Variants in COPS4 observed in about 807,000 individuals in gnomAD.
The protein encoded by COPS4 is COP9 signalosome subunit 4.
A neutral mutation model predicts 55.1 loss-of-function variants in COPS4; 8 were observed. That is an observed-to-expected ratio of 0.15 (90% CI 0.09 to 0.26). The LOEUF is 0.26. Ranked by LOEUF, COPS4 falls within the 10% of genes least tolerant of loss-of-function variation. The pLI, the probability that COPS4 is intolerant of heterozygous loss-of-function variation, is 1.00. For missense variants in COPS4, 248 were observed against 484.0 expected, an observed-to-expected ratio of 0.51 and a Z score of 4.58; for synonymous variants, 185 against 165.7, an observed-to-expected ratio of 1.12 and a Z score of -0.90.
At chr4:83,042,960 G>T (rs1482126184) in intron 1 of COPS4, among the ~76,000 whole-genome samples, 1 of 148,712 alleles carries the variant, frequency 6.7e-6, no homozygotes, top group African/African-American at 2.5e-5. Context: ...ACATTGCCCA[G>T]GCTGGTCTTG....
chr4:83,060,390 C>A, intron 6 of COPS4, among the ~76,000 whole-genome samples: 1 of 151,570 alleles, frequency 6.6e-6, no homozygotes, highest in East Asian at 2.0e-4. Flanking sequence ...CCTCTGTCGC[C>A]CAGGCTGGAG....
At chr4:83,039,969 C>G (rs1480951965) in intron 1 of COPS4, among the ~76,000 whole-genome samples, 1 of 152,156 alleles carries the variant, frequency 6.6e-6, no homozygotes, top group Admixed American at 6.6e-5. Context: ...CTGCCCCATT[C>G]TGTTTCTCCT....
chr4:83,049,818 A>G (rs1730816460), intron 3 of COPS4, 63 bp from the exon 4 acceptor site: 3 of 941,776 alleles, frequency 3.2e-6, no homozygotes, highest in Non-Finnish European at 4.7e-6. Context: ...TAACTTTCCT[A>G]TTTATTTTAA....
chr4:83,069,428 G>A (rs536145944), intron 9 of COPS4, among the ~76,000 whole-genome samples: 73 of 152,250 alleles, frequency 4.8e-4, no homozygotes, highest in African/African-American at 1.7e-3. Context: ...CTTCCAGTTA[G>A]CATAATCTTT....
At chr4:83,062,176 A>C (rs1731176264) in intron 6 of COPS4, among the ~76,000 whole-genome samples, 1 of 152,240 alleles carries the variant, frequency 6.6e-6, no homozygotes, top group Non-Finnish European at 1.5e-5. Context: ...GAAACTGTGA[A>C]TATTAAGTCT....
At chr4:83,055,820 A>T (rs937277304) in intron 4 of COPS4, among the ~76,000 whole-genome samples, 1 of 152,150 alleles carries the variant, frequency 6.6e-6, no homozygotes, top group East Asian at 1.9e-4. Flanking sequence ...TTTTCCTAGC[A>T]TAGATATTTA....
At chr4:83,074,753 G>C (rs1731528315) in intron 9 of COPS4, among the ~76,000 whole-genome samples, 1 of 151,478 alleles carries the variant, frequency 6.6e-6, no homozygotes. Context: ...TGATCTGCCT[G>C]CCTCGGCCTC....
intron 4 of COPS4, among the ~76,000 whole-genome samples, chr4:83,056,271 A>G (rs1731010720): frequency 6.6e-6 from 1 of 152,110 alleles, no homozygotes; most frequent in African/African-American, 2.4e-5. Flanking sequence ...TAGTGGGTTA[A>G]GGGTATATGC....
intron 7 of COPS4, among the ~76,000 whole-genome samples, chr4:83,064,869 C>CTTTTTTTTTT (rs140166684): frequency 6.5e-4 from 48 of 73,630 alleles, no homozygotes; most frequent in East Asian, 3.3e-3. Context: ...TAAGCAGTCC[C>CTTTTTTTTTT]TTTTTTTTTT....
intron 9 of COPS4, among the ~76,000 whole-genome samples, chr4:83,071,186 T>C (rs942543966): frequency 2.6e-5 from 4 of 152,234 alleles, no homozygotes; most frequent in African/African-American, 9.6e-5. Flanking sequence ...GTTTCCAAGT[T>C]AAGCTTCCTG....
In COPS4 at chr4:83,057,332, C is replaced by T; in HGVS notation, c.639C>T (p.Tyr213=). ...EAAQRYNELS[Y]KTIVHESERL... is the part of the protein sequence containing the mutation. ...CACAAAGGTACAATGAGCTCTCTTA[C>T]AAGACAATAGTCCACGAAAGTGAAA... The change falls in exon 6 of 10, where the codon TAC becomes TAT. Residue 213 remains tyrosine (Y), a synonymous_variant. Transcript: ENST00000264389. The T allele has an allele frequency of 6.2e-7, 1 of 1,613,392 alleles. No individual in the cohort carries two copies. Among genetic ancestry groups the T allele is most frequent in the Middle Eastern group, 1.7e-4 (1 of 6,060 alleles).
At chr4:83,073,681 G>A (rs962109544) in intron 9 of COPS4, among the ~76,000 whole-genome samples, 6 of 152,134 alleles carry the variant, frequency 3.9e-5, no homozygotes, top group African/African-American at 7.2e-5. Flanking sequence ...GCGGCTGGGC[G>A]TAGTGGCTCA....
intron 6 of COPS4, among the ~76,000 whole-genome samples, chr4:83,058,698 T>C (rs1385415805): frequency 6.6e-6 from 1 of 152,244 alleles, no homozygotes; most frequent in African/African-American, 2.4e-5. Flanking sequence ...TGTAACTGTA[T>C]ACATCATAGT....
intron 1 of COPS4, among the ~76,000 whole-genome samples, chr4:83,037,033 C>A (rs1458854777): frequency 6.6e-6 from 1 of 152,162 alleles, no homozygotes; most frequent in East Asian, 1.9e-4. Context: ...TCTCAGGATT[C>A]TATGGGTTGA....
In COPS4 at chr4:83,075,386, C is replaced by G; in HGVS notation, c.1177C>G (p.Pro393Ala). Residue 393 changes from proline to alanine, a missense_variant, in exon 10 of 10, where the codon CCA becomes GCA. Pro to Ala is a conservative substitution (Grantham distance 27, BLOSUM62 -1). Transcript: ENST00000264389. ...TTTGGAGAAAATTAGTCAAACAGCA[C>G]CAGAATGGACAGCACAAGCCATGGA... is the stretch of plus-strand genomic sequence containing the variant. ...NLLEKISQTAPEWTAQAMEAQ... is the reference protein window; with the variant it reads ...NLLEKISQTAAEWTAQAMEAQ... The G allele has an allele frequency of 6.2e-7, 1 of 1,614,148 alleles. No homozygotes were observed. Among genetic ancestry groups the G allele is most frequent in the Middle Eastern group, 1.6e-4 (1 of 6,062 alleles).
At chr4:83,043,147 T>G (rs1730610018) in intron 1 of COPS4, among the ~76,000 whole-genome samples, 1 of 152,130 alleles carries the variant, frequency 6.6e-6, no homozygotes, top group South Asian at 2.1e-4. Flanking sequence ...TTGATCACTT[T>G]TTAGGTTGGT....
Position 83,072,075 on chromosome 4 carries a change from GTTTTCT to G in COPS4, c.1088-3205_1088-3200del, listed in dbSNP as rs370439309. On this transcript the variant is annotated intron_variant, in intron 9 of 9. Coordinates refer to ENST00000264389, the MANE Select transcript of COPS4 (RefSeq NM_016129.3). ...CAAATATTTTTTTCCATTCTGTCAG[GTTTTCT>G]TTTTCTTTTTCTTTTTGAGATGGAG... is the stretch of plus-strand genomic sequence containing the variant. Among the ~76,000 whole-genome samples the G allele has an allele frequency of 3.3e-5, 5 of 151,690 alleles. No homozygotes were observed. In the South Asian group the frequency reaches 6.3e-4, roughly 19 times the overall value.
At position 83,042,084 on chromosome 4, in the gene COPS4, C is replaced by T. The variant is rs183441665; in HGVS notation, c.75-3542C>T. 7.4e-3 allele frequency among the ~76,000 whole-genome samples: 1,125 copies of T among 151,356 alleles called. 13 individuals are homozygous for T. Among genetic ancestry groups the T allele is most frequent in the Non-Finnish European group, 8.0e-3 (545 of 67,810 alleles). On this transcript the variant is annotated intron_variant, in intron 1 of 9. Transcript: ENST00000264389. ...TTCACCATGTTGGCCAGGCTGGTCT[C>T]GAACTCTTGACCTCAAGTGATTGGC...
chr4:83,040,890 A>G (rs996149538), intron 1 of COPS4, among the ~76,000 whole-genome samples: 1 of 150,718 alleles, frequency 6.6e-6, no homozygotes. Context: ...GTACATTTTC[A>G]TGCTTTATTT....
Sources: allele counts gnomAD v4.1 joint callset (sites outside exome capture counted in the v4.1 genomes callset), GRCh38; gene constraint gnomAD v4.1.1; transcripts MANE v1.5; gene names NCBI Gene and HGNC (gene_info 2026-07-23, HGNC 2026-07-21).